The following LIMCH1 variants were observed in gnomAD, a reference collection of about 807,000 sequenced individuals.
The protein encoded by LIMCH1 is LIM and calponin homology domains 1, also known as LIM and calponin homology domains-containing protein 1.
In LIMCH1, 113 loss-of-function variants were observed where a neutral mutation model predicts 176.5. The observed-to-expected ratio is 0.64, with a 90% CI of 0.55 to 0.75. LIMCH1 has a LOEUF of 0.75. Among genes scored for constraint, LIMCH1 ranks in the 30% least tolerant of loss-of-function variants. The pLI is 0.00. For synonymous variants in LIMCH1, 619 were observed against 645.9 expected, an observed-to-expected ratio of 0.96 and a Z score of 0.63; for missense variants, 1,674 against 1,814.9, an observed-to-expected ratio of 0.92 and a Z score of 1.41.
chr4:41,492,743 C>A (rs1430909240), intron 1 of LIMCH1, among the ~76,000 whole-genome samples: 1 of 152,076 alleles, frequency 6.6e-6, no homozygotes, highest in African/African-American at 2.4e-5. Flanking sequence ...TGGATATGTC[C>A]ATTTCTCTGT....
In LIMCH1 at chr4:41,375,377, T is replaced by C. The variant is rs573731615; in HGVS notation, c.96+14441T>C. The stretch of plus-strand genomic sequence containing the variant: ...ATGGGTTCTATTAGGTGTAAAAATG[T>C]GATTGAATGAACTGGATTGATTTTT... On this transcript the variant is annotated intron_variant, in intron 1 of 26. Transcript: ENST00000313860. Among the ~76,000 whole-genome samples, 254 of 152,248 alleles carry C rather than the reference T, an allele frequency of 1.7e-3. 2 individuals are homozygous for C. The highest frequency in any genetic ancestry group is 5.3e-3 in the African/African-American group (222 of 41,540).
At chr4:41,545,319 C>T (rs780996059) in intron 1 of LIMCH1, among the ~76,000 whole-genome samples, 7 of 152,068 alleles carry the variant, frequency 4.6e-5, no homozygotes, top group South Asian at 2.1e-4. Context: ...CTGTCCTTGA[C>T]GTTTAGTGGA....
At chr4:41,514,663 T>C (rs1465240616) in intron 2 of LIMCH1, among the ~76,000 whole-genome samples, 2 of 152,162 alleles carry the variant, frequency 1.3e-5, no homozygotes, top group Non-Finnish European at 2.9e-5. Context: ...AGAAGAGCAA[T>C]GGGTTTGCTT....
intron 1 of LIMCH1, among the ~76,000 whole-genome samples, chr4:41,365,562 C>A (rs945257768): frequency 2.0e-5 from 3 of 152,202 alleles, no homozygotes; most frequent in Non-Finnish European, 4.4e-5. Flanking sequence ...TTCTTAACAT[C>A]TTTTTATCCC....
chr4:41,485,669 T>C (rs67178898), intron 1 of LIMCH1, among the ~76,000 whole-genome samples: 9,333 of 152,206 alleles, frequency 0.061, 358 homozygotes, highest in East Asian at 0.11. Flanking sequence ...ACTCCTTTGG[T>C]TTTATGTTGC....
chr4:41,469,835 C>G (rs1373330762), intron 1 of LIMCH1, among the ~76,000 whole-genome samples: 1 of 152,006 alleles, frequency 6.6e-6, no homozygotes. Flanking sequence ...GTGCCTGCCA[C>G]CAGGCTCAGC....
intron 3 of LIMCH1, among the ~76,000 whole-genome samples, chr4:41,604,538 T>C (rs969915837): frequency 6.6e-6 from 1 of 152,204 alleles, no homozygotes; most frequent in Non-Finnish European, 1.5e-5. Flanking sequence ...TTATATTTGA[T>C]TGGCATTTTC....
chr4:41,372,154 C>T (rs952604227), intron 1 of LIMCH1, among the ~76,000 whole-genome samples: 4 of 152,206 alleles, frequency 2.6e-5, no homozygotes, highest in African/African-American at 9.6e-5. Context: ...CTCCATAATG[C>T]AGCAGTCTCG....
At chr4:41,696,341 C>T (rs563532288) in intron 31 of LIMCH1, among the ~76,000 whole-genome samples, 20 of 152,256 alleles carry the variant, frequency 1.3e-4, no homozygotes, top group South Asian at 8.3e-4. Flanking sequence ...TCTTGTGAAA[C>T]GCATTTAATG....
intron 26 of LIMCH1, among the ~76,000 whole-genome samples, 163 bp downstream of exon 26, chr4:41,682,623 A>C (rs1716937929): frequency 6.6e-6 from 1 of 152,276 alleles, no homozygotes; most frequent in Middle Eastern, 3.4e-3. Context: ...AATAGGTCTA[A>C]AATCAGTGCC....
In LIMCH1 at chr4:41,680,993, T is replaced by C; in HGVS notation, c.3651T>C (p.Thr1217=). ...KIIEDTVVPF[T]VSSSSADQLS... ...TTGAAGACACTGTGGTTCCATTTAC[T>C]GTTTCTTCAAGTTCCGCTGACCAGC... The change falls in exon 25 of 32, where the codon ACT becomes ACC. Residue 1217 remains threonine, a synonymous_variant. Coordinates refer to ENST00000503057, the MANE Select transcript of LIMCH1 (RefSeq NM_001330672.2). The C allele has an allele frequency of 1.2e-6, 2 of 1,612,252 alleles. No individual in the cohort carries two copies. Among genetic ancestry groups the C allele is most frequent in the Non-Finnish European group, 1.7e-6 (2 of 1,178,402 alleles).
intron 1 of LIMCH1, among the ~76,000 whole-genome samples, chr4:41,405,162 A>G (rs1163015079): frequency 6.6e-6 from 1 of 152,196 alleles, no homozygotes; most frequent in Non-Finnish European, 1.5e-5. Context: ...AATATTTGAT[A>G]ATGAGAGAGA....
At position 41,426,160 on chromosome 4, in the gene LIMCH1, T is replaced by TA. The variant is rs1251847460; in HGVS notation, c.96+65225dup. ...CCTCAGCCTCCCAAGTAGCTGGGACTACAGGCGCCCGCCACTACGCCCGGC... is the reference window on the plus strand; with the variant it reads ...CCTCAGCCTCCCAAGTAGCTGGGACTAACAGGCGCCCGCCACTACGCCCGGC... On this transcript the variant is annotated intron_variant, in intron 1 of 26. Coordinates refer to the LIMCH1 transcript ENST00000313860. Among the ~76,000 whole-genome samples the TA allele has an allele frequency of 9.3e-5, 14 of 150,368 alleles. No homozygotes were observed. The East Asian group carries it at 2.7e-3, about 29-fold the overall frequency.
rs1056820053 is a variant in LIMCH1, at chr4:41,643,886, T to C, written c.2127-614T>C. ...AAAAGAAATGATTACAATGAACATA[T>C]ACATCAGCCATCCATAGTTGTCAGA... On this transcript the variant is annotated intron_variant, in intron 14 of 31. Transcript: ENST00000503057. 7.8e-4 allele frequency among the ~76,000 whole-genome samples: 119 copies of C among 152,210 alleles called. 6 individuals carry two copies. The highest frequency in any genetic ancestry group is 8.8e-5 in the Non-Finnish European group (6 of 68,040).
chr4:41,687,709 G>T (rs913991966), intron 28 of LIMCH1, 131 bp from the exon 29 acceptor site: 6 of 562,778 alleles, frequency 1.1e-5, no homozygotes, highest in African/African-American at 5.8e-5. Context: ...GCCAGGAAAT[G>T]CTGTGGTCTT....
chr4:41,651,069 C>T (rs1336744528), intron 18 of LIMCH1, among the ~76,000 whole-genome samples: 4 of 149,336 alleles, frequency 2.7e-5, no homozygotes, highest in Non-Finnish European at 5.9e-5. Flanking sequence ...TGTAATGGTG[C>T]GATCTTGGCT....
chr4:41,437,640 A>G (rs1375265194), intron 1 of LIMCH1, among the ~76,000 whole-genome samples: 1 of 152,046 alleles, frequency 6.6e-6, no homozygotes, highest in African/African-American at 2.4e-5. Context: ...TGGACTTCAA[A>G]ATAATGAGAA....
At chr4:41,574,246 TCCCCTCCCCTCCCCTCC>T (rs2084049111) in intron 1 of LIMCH1, among the ~76,000 whole-genome samples, 1 of 2,880 alleles carries the variant, frequency 3.5e-4, no homozygotes, top group Non-Finnish European at 5.7e-4. Flanking sequence ...TCCCCTCCCC[TCCCCTCCCCTCCCCTCC>T]CCTCCCCTCC....
chr4:41,444,546 A>G (rs2063074951), intron 1 of LIMCH1, among the ~76,000 whole-genome samples: 1 of 152,136 alleles, frequency 6.6e-6, no homozygotes, highest in Non-Finnish European at 1.5e-5. Context: ...GGCCAACACA[A>G]TGGCGTCTTT....
Sources: allele counts gnomAD v4.1 joint callset (sites outside exome capture counted in the v4.1 genomes callset), GRCh38; gene constraint gnomAD v4.1.1; transcripts MANE v1.5; gene names NCBI Gene and HGNC (gene_info 2026-07-23, HGNC 2026-07-21).